The following VSNL1 variants were observed in gnomAD, a reference collection of about 807,000 sequenced individuals.
VSNL1 encodes the protein visinin-like protein 1.
VSNL1 carries 6 observed loss-of-function variants against 20.4 expected under a neutral mutation model. That is an observed-to-expected ratio of 0.29 (90% CI 0.16 to 0.58). VSNL1 has a LOEUF of 0.58. Among genes scored for constraint, VSNL1 ranks in the 20% least tolerant of loss-of-function variants. VSNL1 has a pLI of 0.90. For missense variants in VSNL1, 100 were observed against 234.5 expected (o/e 0.43, Z 3.75); for synonymous variants, 93 against 86.4 (o/e 1.08, Z -0.42).
At chr2:17,596,772 T>C (rs1193605497) in intron 2 of VSNL1, among the ~76,000 whole-genome samples, 7 of 151,466 alleles carry the variant, frequency 4.6e-5, no homozygotes, top group Non-Finnish European at 1.0e-4. Flanking sequence ...ATCTGACAGA[T>C]GTGAGAGTCA....
intron 2 of VSNL1, among the ~76,000 whole-genome samples, chr2:17,644,732 A>G (rs1282507526): frequency 1.3e-5 from 2 of 152,184 alleles, no homozygotes; most frequent in Non-Finnish European, 2.9e-5. Context: ...ACCTGCTTAG[A>G]GCCTTGTTCC....
intron 1 of VSNL1, among the ~76,000 whole-genome samples, chr2:17,564,447 T>C (rs1465618346): frequency 2.0e-5 from 3 of 152,220 alleles, no homozygotes; most frequent in Non-Finnish European, 4.4e-5. Context: ...ATTATTCCAA[T>C]ACTTATGCTT....
intron 2 of VSNL1, among the ~76,000 whole-genome samples, chr2:17,625,779 A>G (rs1246444834): frequency 1.3e-5 from 2 of 151,866 alleles, no homozygotes; most frequent in African/African-American, 4.8e-5. Flanking sequence ...AGATATAGAG[A>G]AAAGGGAATT....
chr2:17,568,507 G>T (rs1159933856), intron 1 of VSNL1, among the ~76,000 whole-genome samples: 1 of 152,168 alleles, frequency 6.6e-6, no homozygotes, highest in Non-Finnish European at 1.5e-5. Flanking sequence ...TTTAAGGTCA[G>T]TCAGTATCTT....
intron 1 of VSNL1, among the ~76,000 whole-genome samples, chr2:17,578,593 T>C (rs1376817117): frequency 2.0e-5 from 3 of 152,094 alleles, no homozygotes; most frequent in African/African-American, 7.2e-5. Flanking sequence ...CGGCACTTCC[T>C]CTCCTTCAGC....
chr2:17,576,771 TAG>T (rs1427423254), intron 1 of VSNL1, among the ~76,000 whole-genome samples: 2 of 152,234 alleles, frequency 1.3e-5, no homozygotes, highest in African/African-American at 4.8e-5. Flanking sequence ...TGCTTTTATT[TAG>T]AGAGTCCATC....
At chr2:17,627,990 T>C (rs1665549716) in intron 2 of VSNL1, among the ~76,000 whole-genome samples, 1 of 152,242 alleles carries the variant, frequency 6.6e-6, no homozygotes, top group Non-Finnish European at 1.5e-5. Flanking sequence ...TGGGGTCAGT[T>C]AGGTCTGATA....
At chr2:17,613,758 G>A (rs766457153) in intron 2 of VSNL1, among the ~76,000 whole-genome samples, 23 of 152,068 alleles carry the variant, frequency 1.5e-4, no homozygotes, top group Non-Finnish European at 2.9e-4. Flanking sequence ...ATCTTTCCAC[G>A]TTTCATCCTG....
chr2:17,622,271 T>G (rs1232737294), intron 2 of VSNL1, among the ~76,000 whole-genome samples: 6 of 150,860 alleles, frequency 4.0e-5, no homozygotes, highest in African/African-American at 1.5e-4. Context: ...CCCAGCACTT[T>G]GGGAGCCCTT....
intron 2 of VSNL1, among the ~76,000 whole-genome samples, chr2:17,648,692 C>T (rs893886017): frequency 3.9e-5 from 6 of 152,306 alleles, no homozygotes; most frequent in Admixed American, 2.0e-4. Flanking sequence ...CCTACTGATT[C>T]CCCATGGCCT....
At chr2:17,608,752 G>A (rs1572362753) in intron 2 of VSNL1, among the ~76,000 whole-genome samples, 1 of 152,094 alleles carries the variant, frequency 6.6e-6, no homozygotes, top group Non-Finnish European at 1.5e-5. Context: ...ATATCAGGCA[G>A]GAATGACCAT....
chr2:17,606,418 A>T (rs1664945329), intron 2 of VSNL1, among the ~76,000 whole-genome samples: 1 of 152,160 alleles, frequency 6.6e-6, no homozygotes, highest in African/African-American at 2.4e-5. Context: ...TCATCAAACA[A>T]ATGGGATGAT....
intron 1 of VSNL1, among the ~76,000 whole-genome samples, chr2:17,579,810 CT>C (rs1664308153): frequency 6.6e-6 from 1 of 152,166 alleles, no homozygotes. Context: ...GTTAGAGCCA[CT>C]CCCTTTACAA....
intron 1 of VSNL1, among the ~76,000 whole-genome samples, chr2:17,580,141 A>G (rs1304909513): frequency 6.6e-6 from 1 of 152,216 alleles, no homozygotes; most frequent in African/African-American, 2.4e-5. Flanking sequence ...AGCACTATCC[A>G]CTGTTCATTA....
chr2:17,568,683 C>T (rs951321346), intron 1 of VSNL1, among the ~76,000 whole-genome samples: 2 of 152,128 alleles, frequency 1.3e-5, no homozygotes, highest in Non-Finnish European at 2.9e-5. Flanking sequence ...CTTTACTCAT[C>T]GTTGCTTCTT....
intron 1 of VSNL1, among the ~76,000 whole-genome samples, chr2:17,554,493 C>T (rs62131460): frequency 0.029 from 4,460 of 152,230 alleles, 64 homozygotes; most frequent in Middle Eastern, 0.054. Context: ...AAGTACAGAA[C>T]TCTTTTTTTT....
intron 1 of VSNL1, among the ~76,000 whole-genome samples, chr2:17,549,612 C>T (rs970973241): frequency 6.6e-6 from 1 of 152,126 alleles, no homozygotes; most frequent in Non-Finnish European, 1.5e-5. Flanking sequence ...GAATACCTAT[C>T]AGCGTTTTGG....
At chr2:17,555,415 A>C (rs919902067) in intron 1 of VSNL1, among the ~76,000 whole-genome samples, 2 of 152,174 alleles carry the variant, frequency 1.3e-5, no homozygotes, top group African/African-American at 4.8e-5. Context: ...ACTGATTAAT[A>C]CAGTTTTTAT....
At position 17,630,597 on chromosome 2, in the gene VSNL1, A is replaced by T. The variant is rs1391760545; in HGVS notation, c.163-18813A>T. ...GTTCCTCTGGAAGAGTATATTTTCA[A>T]TAATAAAAGAAGAAGAGAGAAGATG... is the stretch of plus-strand genomic sequence containing the variant. On this transcript the variant is annotated intron_variant, in intron 2 of 3. Transcript: ENST00000295156. Among the ~76,000 whole-genome samples, 6 of 152,228 alleles carry T rather than the reference A, an allele frequency of 3.9e-5. 1 individual carries two copies. Among genetic ancestry groups the T allele is most frequent in the Admixed American group, 3.9e-4 (6 of 15,282 alleles).
Sources: gnomAD v4.1 joint callset for allele counts (sites outside exome capture counted in the v4.1 genomes callset) on GRCh38, gnomAD v4.1.1 for gene constraint, MANE v1.5 for transcripts, NCBI Gene and HGNC (gene_info 2026-07-23, HGNC 2026-07-21) for gene names.